AKR1C8: variants seen among roughly 807,000 people sequenced by gnomAD.
The protein encoded by AKR1C8 is aldo-keto reductase family 1 member C-like protein 1.
At chr10:5,166,745 A>G in the AKR1C8 span, among the ~76,000 whole-genome samples, 1 of 152,324 alleles carries the variant, frequency 6.6e-6, no homozygotes, top group East Asian at 1.9e-4. Flanking sequence ...CTTCATGTCT[A>G]AAACACCAAA....
At chr10:5,125,667 G>A in the AKR1C8 span, among the ~76,000 whole-genome samples, 1 of 152,154 alleles carries the variant, frequency 6.6e-6, no homozygotes, top group Non-Finnish European at 1.5e-5. Flanking sequence ...CTGTCCCTGA[G>A]ACATGTTCAC....
the AKR1C8 span, chr10:5,162,857 A>G: frequency 1.9e-6 from 1 of 533,098 alleles, no homozygotes; most frequent in Admixed American, 1.9e-5. Context: ...TTTCACCTTG[A>G]TGGTGTAGAA....
the AKR1C8 span, chr10:5,154,890 G>C: frequency 6.6e-6 from 1 of 152,234 alleles, no homozygotes; most frequent in Non-Finnish European, 1.5e-5. Flanking sequence ...GCTCTCCAGA[G>C]GTGGACTTCA....
chr10:5,131,696 A>G, the AKR1C8 span, among the ~76,000 whole-genome samples: 208 of 152,062 alleles, frequency 1.4e-3, 3 homozygotes, highest in African/African-American at 4.9e-3. Context: ...AAACAGTAGA[A>G]GTTGGCATGA....
chr10:5,160,635 C>G, the AKR1C8 span, among the ~76,000 whole-genome samples: 1 of 152,154 alleles, frequency 6.6e-6, no homozygotes, highest in African/African-American at 2.4e-5. Context: ...TTAAAATGAA[C>G]TGTAGAGGCC....
chr10:5,173,743 T>C, the AKR1C8 span, among the ~76,000 whole-genome samples: 1 of 152,020 alleles, frequency 6.6e-6, no homozygotes, highest in African/African-American at 2.4e-5. Context: ...TCTGTAAAAT[T>C]TTAATTAATG....
At chr10:5,165,740 C>G in the AKR1C8 span, among the ~76,000 whole-genome samples, 2 of 152,120 alleles carry the variant, frequency 1.3e-5, no homozygotes, top group Non-Finnish European at 2.9e-5. Context: ...AGGGCCATAG[C>G]TTGAAAAGAC....
the AKR1C8 span, among the ~76,000 whole-genome samples, chr10:5,149,257 G>C: frequency 6.6e-6 from 1 of 151,970 alleles, no homozygotes; most frequent in Admixed American, 6.6e-5. Flanking sequence ...AGTTTCTTTT[G>C]AAACATACTT....
At chr10:5,161,823 T>C in the AKR1C8 span, 2 of 534,682 alleles carry the variant, frequency 3.7e-6, no homozygotes, top group Non-Finnish European at 7.7e-6. Context: ...GATGAAACAG[T>C]CTTGGGCATA....
chr10:5,156,524 A>AGATC, the AKR1C8 span, among the ~76,000 whole-genome samples: 3 of 78,748 alleles, frequency 3.8e-5, no homozygotes, highest in East Asian at 4.6e-4. Flanking sequence ...TGAAAGACTC[A>AGATC]GATCTATCTA....
chr10:5,178,972 A>G, the AKR1C8 span, among the ~76,000 whole-genome samples: 1 of 152,156 alleles, frequency 6.6e-6, no homozygotes. Flanking sequence ...CATTTAGTCC[A>G]TTTACATTTA....
At chr10:5,161,557 C>G in the AKR1C8 span, among the ~76,000 whole-genome samples, 1 of 152,120 alleles carries the variant, frequency 6.6e-6, no homozygotes, top group African/African-American at 2.4e-5. Context: ...GGCTTCCATT[C>G]AGGAACACAA....
At chr10:5,181,673 TATAAG>T in the AKR1C8 span, among the ~76,000 whole-genome samples, 1 of 152,198 alleles carries the variant, frequency 6.6e-6, no homozygotes, top group South Asian at 2.1e-4. Flanking sequence ...TCCAAAACCA[TATAAG>T]ATGTCTAAGA....
chr10:5,177,442 T>G, the AKR1C8 span, among the ~76,000 whole-genome samples: 2 of 152,084 alleles, frequency 1.3e-5, no homozygotes. Context: ...AAAATTCTCT[T>G]TTTTTGTTGT....
chr10:5,162,862 G>A, the AKR1C8 span: 11 of 534,094 alleles, frequency 2.1e-5, no homozygotes, highest in Non-Finnish European at 3.1e-5. Flanking sequence ...CCTTGATGGT[G>A]TAGAATATTT....
the AKR1C8 span, among the ~76,000 whole-genome samples, chr10:5,117,139 T>C: frequency 6.6e-6 from 1 of 152,126 alleles, no homozygotes; most frequent in Non-Finnish European, 1.5e-5. Context: ...GCTTTTTTTT[T>C]TTTTTAAACA....
the AKR1C8 span, among the ~76,000 whole-genome samples, chr10:5,117,721 G>A: frequency 6.6e-6 from 1 of 152,108 alleles, no homozygotes; most frequent in Admixed American, 6.6e-5. Context: ...TGGCAGAAAG[G>A]AAAGGAGAAC....
the AKR1C8 span, among the ~76,000 whole-genome samples, chr10:5,170,920 G>A: frequency 2.6e-4 from 40 of 152,202 alleles, no homozygotes; most frequent in Admixed American, 1.4e-3. Context: ...ACCGAAACAA[G>A]TATGCTCCAA....
At chr10:5,168,397 T>G in the AKR1C8 span, among the ~76,000 whole-genome samples, 1 of 152,042 alleles carries the variant, frequency 6.6e-6, no homozygotes, top group Non-Finnish European at 1.5e-5. Context: ...TAGTCATCAA[T>G]TCCTCCAGTT....
Sources: allele counts gnomAD v4.1 joint callset (sites outside exome capture counted in the v4.1 genomes callset), GRCh38; gene constraint gnomAD v4.1.1; transcripts MANE v1.5; gene names NCBI Gene and HGNC (gene_info 2026-07-23, HGNC 2026-07-21).